The following SLCO3A1 variants were observed in gnomAD, a reference collection of about 807,000 sequenced individuals.
The protein encoded by SLCO3A1 is PGE1 transporter.
SLCO3A1 carries 27 observed loss-of-function variants against 63.1 expected under a neutral mutation model. The ratio of observed to expected loss-of-function variants is 0.43; its 90% CI spans 0.32 to 0.59. The LOEUF is 0.59. SLCO3A1 is among the 20% of genes least tolerant of loss of function. The pLI, the probability that SLCO3A1 is intolerant of heterozygous loss-of-function variation, is 0.09. For missense variants in SLCO3A1, 773 were observed against 945.8 expected (o/e 0.82, Z 2.40); for synonymous variants, 473 against 409.9 (o/e 1.15, Z -1.86).
chr15:92,005,358 C>G (rs779117699), intron 2 of SLCO3A1, among the ~76,000 whole-genome samples: 6 of 152,202 alleles, frequency 3.9e-5, no homozygotes, highest in Non-Finnish European at 5.9e-5. Flanking sequence ...CCATAGTGTG[C>G]CGAAGGGGCT....
Position 92,150,968 on chromosome 15 carries a change from C to A in SLCO3A1, c.1707C>A (p.Leu569=). The A allele has an allele frequency of 9.3e-6, 15 of 1,612,662 alleles. No homozygotes were observed. Among genetic ancestry groups the A allele is most frequent in the Non-Finnish European group, 1.3e-5 (15 of 1,179,466 alleles). The change falls in exon 9 of 10, where the codon CTC becomes CTA. Residue 569 remains leucine (L), a synonymous_variant. Transcript: ENST00000318445. ...IILIRTVSPE[L]KSYALGVLFL... ...CACGTAGGACAGTCAGCCCTGAACT[C>A]AAGTCTTACGCTTTGGGAGTTCTTT...
chr15:91,880,123 GTCCGTCCGTCCATCCATCCA>G (rs1567168618), intron 1 of SLCO3A1, among the ~76,000 whole-genome samples: 1 of 117,230 alleles, frequency 8.5e-6, no homozygotes, highest in Non-Finnish European at 1.7e-5. Flanking sequence ...CCGTCCGTCC[GTCCGTCCGTCCATCCATCCA>G]TCCATCCATC....
At chr15:92,104,190 C>T in intron 3 of SLCO3A1, 89 bp from the exon 4 acceptor site, 1 of 1,462,534 alleles carries the variant, frequency 6.8e-7, no homozygotes. Context: ...AGCCCTTGCC[C>T]TCTCTGTTCA....
Position 91,886,597 on chromosome 15 carries a change from T to C in SLCO3A1, c.181-29396T>C, listed in dbSNP as rs1897730923. On this transcript the variant is annotated intron_variant, in intron 1 of 9. Transcript: ENST00000318445. This position sits in a 1 kb window ranked among gnomAD's most constrained non-coding sequence, Gnocchi z 4.9. ...GTGTTGTTTCTACGGTGTGACCATA[T>C]TTGATGTGCTTACTGATTCCTAAGT... 6.6e-6 allele frequency among the ~76,000 whole-genome samples: 1 copy of C among 152,202 alleles called. No homozygotes were observed. The highest frequency in any genetic ancestry group is 2.4e-5 in the African/African-American group (1 of 41,452).
At chr15:91,952,096 T>A (rs1219895465) in intron 2 of SLCO3A1, among the ~76,000 whole-genome samples, 1 of 152,222 alleles carries the variant, frequency 6.6e-6, no homozygotes, top group Non-Finnish European at 1.5e-5. Flanking sequence ...GGTTTTGATT[T>A]GCATTTTTCT....
intron 2 of SLCO3A1, among the ~76,000 whole-genome samples, chr15:91,991,124 C>G (rs1383748346): frequency 6.6e-6 from 1 of 152,150 alleles, no homozygotes; most frequent in African/African-American, 2.4e-5. Context: ...AATCCCAATA[C>G]TTTGGGAGGC....
At chr15:92,036,212 A>G (rs1289341247) in intron 2 of SLCO3A1, among the ~76,000 whole-genome samples, 1 of 152,214 alleles carries the variant, frequency 6.6e-6, no homozygotes, top group African/African-American at 2.4e-5. Context: ...TGCCTGGAGC[A>G]CATTCTTTTC....
chr15:92,121,082 T>C (rs1196139406), intron 5 of SLCO3A1, among the ~76,000 whole-genome samples: 1 of 152,196 alleles, frequency 6.6e-6, no homozygotes, highest in Non-Finnish European at 1.5e-5. Context: ...TAATGGATCA[T>C]GACACTCCTT....
At chr15:92,022,433 A>T (rs895051730) in intron 2 of SLCO3A1, among the ~76,000 whole-genome samples, 3 of 152,208 alleles carry the variant, frequency 2.0e-5, no homozygotes, top group African/African-American at 7.2e-5. Context: ...GAAATCTATG[A>T]CCTTAGCCCA....
downstream of SLCO3A1, among the ~76,000 whole-genome samples, chr15:92,168,816 G>A (rs962971796): frequency 2.0e-5 from 3 of 152,172 alleles, no homozygotes; most frequent in South Asian, 2.1e-4. Flanking sequence ...CTTGTGTGAC[G>A]TGGCGGATTT....
chr15:91,957,125 A>ACTATATATT (rs1567037771), intron 2 of SLCO3A1, among the ~76,000 whole-genome samples: 1 of 8,746 alleles, frequency 1.1e-4, no homozygotes, highest in Non-Finnish European at 1.9e-4. Context: ...TAATATATAT[A>ACTATATATT]ATATATATAC....
At position 92,047,125 on chromosome 15, in the gene SLCO3A1, A is replaced by G. The variant is rs2046881655; in HGVS notation, c.647-47756A>G. 3.2e-4 allele frequency among the ~76,000 whole-genome samples: 4 copies of G among 12,438 alleles called. No individual in the cohort carries two copies. In the South Asian group the frequency reaches 0.013, roughly 40 times the overall value. 8.2% of individuals were successfully genotyped at this position (12,438 alleles called of 152,430 possible). ...AAATATATATATAATATATAAATAT[A>G]TATACAAATATATATATAATATATA... On this transcript the variant is annotated intron_variant, in intron 2 of 9. Transcript: ENST00000318445.
intron 2 of SLCO3A1, among the ~76,000 whole-genome samples, chr15:92,062,990 A>G (rs2047105323): frequency 6.6e-6 from 1 of 152,200 alleles, no homozygotes; most frequent in Admixed American, 6.5e-5. Context: ...GTGAGAAGAA[A>G]AACCTTGGGA....
At chr15:91,982,667 A>G (rs1489107588) in intron 2 of SLCO3A1, among the ~76,000 whole-genome samples, 1 of 152,220 alleles carries the variant, frequency 6.6e-6, no homozygotes, top group Non-Finnish European at 1.5e-5. Flanking sequence ...CTAGAGTTTA[A>G]TAAGGAAGAT....
At chr15:92,057,630 C>T (rs528636012) in intron 2 of SLCO3A1, among the ~76,000 whole-genome samples, 1 of 152,188 alleles carries the variant, frequency 6.6e-6, no homozygotes, top group Admixed American at 6.5e-5. Context: ...CAGCCCCATC[C>T]AGACCCAGCG....
chr15:91,985,405 C>T (rs574572814), intron 2 of SLCO3A1, among the ~76,000 whole-genome samples: 17 of 152,294 alleles, frequency 1.1e-4, no homozygotes, highest in Non-Finnish European at 1.8e-4. Context: ...TTGTGGCTAT[C>T]ATGAATAGTG....
At chr15:91,959,091 A>G (rs1900341442) in intron 2 of SLCO3A1, among the ~76,000 whole-genome samples, 1 of 152,222 alleles carries the variant, frequency 6.6e-6, no homozygotes, top group Admixed American at 6.5e-5. Context: ...ACTCAACCAT[A>G]AAAAGGAACG....
rs72751971 is a variant in SLCO3A1 at position 91,925,481 on chromosome 15, T to G, written c.646+9023T>G. Reference sequence around the variant, plus strand: ...TCTGTCTGTCCAGTACCTTGTTTTTTTTTTTTTTTTTTAACTAGGAAACTA... The same window carrying G: ...TCTGTCTGTCCAGTACCTTGTTTTTGTTTTTTTTTTTTAACTAGGAAACTA... On this transcript the variant is annotated intron_variant, in intron 2 of 9. Coordinates refer to ENST00000318445, the MANE Select transcript of SLCO3A1 (RefSeq NM_013272.4). 5.7e-3 allele frequency among the ~76,000 whole-genome samples: 815 copies of G among 143,048 alleles called. 2 individuals carry two copies. Among genetic ancestry groups the G allele is most frequent in the African/African-American group, 0.019 (757 of 40,776 alleles). The allele number at this position is 143,048 out of a possible 152,430, so 93.8% of individuals were successfully genotyped here. A position where few individuals can be genotyped will look rare whatever the true frequency, so the allele number is the denominator to read the frequency against.
chr15:91,902,312 C>T (rs966737512), intron 1 of SLCO3A1, among the ~76,000 whole-genome samples: 2 of 152,002 alleles, frequency 1.3e-5, no homozygotes, highest in African/African-American at 4.8e-5. Context: ...TTCTCCCACC[C>T]CAGCCTCCTG....
Sources: allele counts gnomAD v4.1 joint callset (sites outside exome capture counted in the v4.1 genomes callset), GRCh38; gene constraint gnomAD v4.1.1; non-coding constraint Gnocchi (gnomAD v3.1); transcripts MANE v1.5; gene names NCBI Gene and HGNC (gene_info 2026-07-23, HGNC 2026-07-21).